CNTLN: variants seen among roughly 807,000 people sequenced by gnomAD.
The protein encoded by CNTLN is centlein, also known as centlein, centrosomal protein.
CNTLN carries 212 observed loss-of-function variants against 180.0 expected under a neutral mutation model. The observed-to-expected ratio is 1.18, with a 90% CI of 1.05 to 1.32. The LOEUF (loss-of-function observed/expected upper bound fraction) is 1.32. Ranked by LOEUF, CNTLN falls within the 40% of genes most tolerant of loss-of-function variation. The pLI is 0.00. For synonymous variants in CNTLN, 722 were observed against 563.1 expected (o/e 1.28, Z -3.99); for missense variants, 2,095 against 1,610.9 (o/e 1.30, Z -5.14).
At chr9:17,510,217 G>C in the CNTLN span, among the ~76,000 whole-genome samples, 1 of 152,100 alleles carries the variant, frequency 6.6e-6, no homozygotes, top group Admixed American at 6.6e-5. Context: ...TGTTTGGTGA[G>C]GGGAAAGGGA....
intron 6 of CNTLN, among the ~76,000 whole-genome samples, chr9:17,275,765 A>G (rs145560867): frequency 1.3e-5 from 2 of 152,274 alleles, no homozygotes; most frequent in Non-Finnish European, 2.9e-5. Flanking sequence ...ATATCCTTGC[A>G]TGCACTTTTT....
chr9:17,290,860 C>G (rs1490351709), intron 6 of CNTLN, among the ~76,000 whole-genome samples: 1 of 152,252 alleles, frequency 6.6e-6, no homozygotes, highest in Non-Finnish European at 1.5e-5. Context: ...CCTCGCCCTG[C>G]TTCGGCTCGC....
chr9:17,273,387 A>G (rs114217324), intron 5 of CNTLN, among the ~76,000 whole-genome samples: 4 of 152,220 alleles, frequency 2.6e-5, no homozygotes, highest in African/African-American at 9.6e-5. Flanking sequence ...AAATGTCTAT[A>G]ATTTGTTGTG....
chr9:17,292,689 A>C lies in CNTLN; in HGVS notation c.984-5501A>C, dbSNP rs1004078753. On this transcript the variant is annotated intron_variant, in intron 6 of 25. Coordinates refer to ENST00000380647, the MANE Select transcript of CNTLN (RefSeq NM_017738.4). ...TCCTTTCAAACTAATTATTCTGGTT[A>C]ACAGCTCCTGTAATGTTTTATCATG... Among the ~76,000 whole-genome samples, 50 of 152,250 alleles carry C rather than the reference A, an allele frequency of 3.3e-4. 1 individual carries two copies. The highest frequency in any genetic ancestry group is 3.4e-4 in the Non-Finnish European group (23 of 68,016).
chr9:17,138,289 T>C (rs563705242), intron 1 of CNTLN, among the ~76,000 whole-genome samples: 99 of 152,198 alleles, frequency 6.5e-4, no homozygotes, highest in Non-Finnish European at 1.3e-3. Flanking sequence ...AATATGTTTA[T>C]ATAGCATTTA....
intron 2 of CNTLN, among the ~76,000 whole-genome samples, chr9:17,158,206 A>G (rs1340185542): frequency 2.0e-5 from 3 of 152,124 alleles, no homozygotes; most frequent in African/African-American, 7.2e-5. Flanking sequence ...ACATAAATTG[A>G]TTTTCATATG....
At chr9:17,470,844 G>A (rs903027894) in intron 23 of CNTLN, among the ~76,000 whole-genome samples, 2 of 151,962 alleles carry the variant, frequency 1.3e-5, no homozygotes, top group Non-Finnish European at 2.9e-5. Context: ...TTATCAATAT[G>A]TACTTGCTTT....
Position 17,147,822 on chromosome 9 carries a change from G to C in CNTLN, c.449+4446G>C, listed in dbSNP as rs560535883. Among the ~76,000 whole-genome samples, 403 of 152,268 alleles carry C rather than the reference G, an allele frequency of 2.6e-3. 2 individuals carry two copies. The highest frequency in any genetic ancestry group is 9.3e-3 in the African/African-American group (386 of 41,548). ...TACATTAGGGCTATTTTTAAAAATA[G>C]TATAATAATGCCGTGATGAATGGCT... is the stretch of plus-strand genomic sequence containing the variant. On this transcript the variant is annotated intron_variant, in intron 2 of 25. Coordinates refer to ENST00000380647, the MANE Select transcript of CNTLN (RefSeq NM_017738.4).
In CNTLN at chr9:17,222,178, T is replaced by C. The variant is rs998973860; in HGVS notation, c.450-4025T>C. Among the ~76,000 whole-genome samples the C allele has an allele frequency of 7.9e-5, 12 of 152,196 alleles. 1 individual carries two copies. In the South Asian group the frequency reaches 2.5e-3, roughly 32 times the overall value. On this transcript the variant is annotated intron_variant, in intron 2 of 25. Transcript: ENST00000380647. ...ATATTTCCCTTGAACTATTTTGCCA[T>C]TTCTCTGCTCCTTTCTGTGCAAAAT...
chr9:17,383,197 T>G (rs1825398193), intron 13 of CNTLN, among the ~76,000 whole-genome samples: 1 of 152,140 alleles, frequency 6.6e-6, no homozygotes, highest in Non-Finnish European at 1.5e-5. Flanking sequence ...TATACACAGA[T>G]TTTGGTTGCT....
At chr9:17,144,226 T>G (rs1818292855) in intron 2 of CNTLN, among the ~76,000 whole-genome samples, 1 of 152,244 alleles carries the variant, frequency 6.6e-6, no homozygotes, top group Non-Finnish European at 1.5e-5. Flanking sequence ...TGAGTATGTC[T>G]AATTTTACCA....
intron 5 of CNTLN, among the ~76,000 whole-genome samples, chr9:17,265,704 C>G (rs1011124598): frequency 2.0e-5 from 3 of 152,064 alleles, no homozygotes; most frequent in African/African-American, 7.2e-5. Flanking sequence ...TGATTATTGC[C>G]ACAATTTCAG....
chr9:17,148,018 G>A (rs976900169), intron 2 of CNTLN, among the ~76,000 whole-genome samples: 1 of 152,178 alleles, frequency 6.6e-6, no homozygotes, highest in Non-Finnish European at 1.5e-5. Context: ...GACTGTCTGT[G>A]TAGATGTGTT....
intron 5 of CNTLN, among the ~76,000 whole-genome samples, chr9:17,256,724 A>G (rs545889756): frequency 2.8e-4 from 42 of 152,090 alleles, no homozygotes; most frequent in Middle Eastern, 6.8e-3. Context: ...AGAAAACAAA[A>G]TGTCGTTTAA....
intron 15 of CNTLN, among the ~76,000 whole-genome samples, chr9:17,404,579 G>A (rs1827231392): frequency 6.6e-6 from 1 of 151,590 alleles, no homozygotes; most frequent in East Asian, 1.9e-4. Context: ...AAAATTAGGA[G>A]GACCATGTTT....
chr9:17,365,742 T>C (rs1823764421), intron 12 of CNTLN, among the ~76,000 whole-genome samples: 1 of 152,146 alleles, frequency 6.6e-6, no homozygotes, highest in African/African-American at 2.4e-5. Context: ...AGTAGGTTGC[T>C]TGAGTCCAGG....
At chr9:17,498,240 G>T (rs1391199091) in intron 25 of CNTLN, among the ~76,000 whole-genome samples, 1 of 152,042 alleles carries the variant, frequency 6.6e-6, no homozygotes, top group Non-Finnish European at 1.5e-5. Flanking sequence ...GATGTAATAA[G>T]TTATTTTTAT....
intron 2 of CNTLN, among the ~76,000 whole-genome samples, chr9:17,186,443 C>CA (rs1325132930): frequency 6.6e-6 from 1 of 152,134 alleles, no homozygotes; most frequent in Non-Finnish European, 1.5e-5. Flanking sequence ...CAATTGAGGA[C>CA]ATTTGTTAAC....
At position 17,236,529 on chromosome 9, in the gene CNTLN, T is replaced by C. The variant is rs139314048; in HGVS notation, c.790T>C (p.Leu264=). The C allele has an allele frequency of 6.8e-6, 11 of 1,613,136 alleles. No individual in the cohort carries two copies. The highest frequency in any genetic ancestry group is 3.3e-5 in the Admixed American group (2 of 59,876). Residue 264 remains leucine, a synonymous_variant, in exon 5 of 26, where the codon TTG becomes CTG. Coordinates refer to ENST00000380647, the MANE Select transcript of CNTLN (RefSeq NM_017738.4). Reference sequence around the variant, plus strand: ...TGACCTGCTAAATGACCTGGAGAAATTGAGGAAGCAGGAAGCACATTTGAG... The same window carrying C: ...TGACCTGCTAAATGACCTGGAGAAACTGAGGAAGCAGGAAGCACATTTGAG... ...CTDLLNDLEK[L]RKQEAHLRKE... is the part of the protein sequence containing the mutation.
Sources: allele counts gnomAD v4.1 joint callset (sites outside exome capture counted in the v4.1 genomes callset), GRCh38; gene constraint gnomAD v4.1.1; transcripts MANE v1.5; gene names NCBI Gene and HGNC (gene_info 2026-07-23, HGNC 2026-07-21).